The following DNAI2 variants were observed in gnomAD, a reference collection of about 807,000 sequenced individuals.
DNAI2 encodes the protein dynein, axonemal, intermediate polypeptide 2.
A neutral mutation model predicts 74.7 loss-of-function variants in DNAI2; 63 were observed. The ratio of observed to expected loss-of-function variants is 0.84; its 90% CI spans 0.69 to 1.04. The LOEUF is 1.04. Ranked by LOEUF, DNAI2 falls within the 50% of genes least tolerant of loss-of-function variation. The pLI is 0.00. For missense variants in DNAI2, 688 were observed against 803.2 expected, an observed-to-expected ratio of 0.86 and a Z score of 1.73; for synonymous variants, 289 against 314.9, an observed-to-expected ratio of 0.92 and a Z score of 0.87.
At chr17:74,280,819 G>A (rs2051345427) in intron 1 of DNAI2, among the ~76,000 whole-genome samples, 1 of 152,082 alleles carries the variant, frequency 6.6e-6, no homozygotes. Flanking sequence ...ACGTGCGATG[G>A]CTCATACCTG....
At position 74,314,244 on chromosome 17, in the gene DNAI2, C is replaced by T. The variant is rs776787499; in HGVS notation, c.*28C>T. The T allele has an allele frequency of 1.9e-6, 3 of 1,613,344 alleles. No homozygotes were observed. On this transcript the variant is annotated 3_prime_UTR_variant, in exon 13 of 14. Coordinates refer to ENST00000311014, the MANE Select transcript of DNAI2 (RefSeq NM_023036.6). ...GTCAGCCTTCGACTGCGGCGCTATC[C>T]CTGTGTGCCTTCCTTTCCCACCTCT...
chr17:74,314,525 A>G, intron 13 of DNAI2, 64 bp from the exon 14 acceptor site: 1 of 380,400 alleles, frequency 2.6e-6, no homozygotes, highest in Non-Finnish European at 5.1e-6. Context: ...CTAGTCCTGG[A>G]TGTCTCCTGG....
At position 74,285,155 on chromosome 17, in the gene DNAI2, T is replaced by C; in HGVS notation, c.299T>C (p.Val100Ala). ...CAGACCATCCGTTTCCGGAAGAAAGTGGAGAAAGATGAGAACTACGTTAAC... is the reference window on the plus strand; with the variant it reads ...CAGACCATCCGTTTCCGGAAGAAAGCGGAGAAAGATGAGAACTACGTTAAC... ...LEQTIRFRKKVEKDENYVNAI... is the reference protein window; with the variant it reads ...LEQTIRFRKKAEKDENYVNAI... Residue 100 changes from valine to alanine, a missense_variant, in exon 3 of 14, where the codon GTG becomes GCG. Physicochemically the swap from Val to Ala is moderately conservative, Grantham distance 64. Coordinates refer to ENST00000311014, the MANE Select transcript of DNAI2 (RefSeq NM_023036.6). 1 of 1,614,032 alleles carries C rather than the reference T, an allele frequency of 6.2e-7. No homozygotes were observed. Among genetic ancestry groups the C allele is most frequent in the Non-Finnish European group, 8.5e-7 (1 of 1,179,994 alleles).
rs935197493 is a variant in DNAI2, at chr17:74,281,804, C to G, written c.-11-3C>G. 4 of 1,613,374 alleles carry G rather than the reference C, an allele frequency of 2.5e-6. No homozygotes were observed. The highest frequency in any genetic ancestry group is 1.7e-5 in the Admixed American group (1 of 59,980). ...CACCCCACACCCTCCCTCTGCCCCC[C>G]AGCAGCCGGCACCATGGAGATTGTG... On this transcript the variant is annotated splice_region_variant and splice_polypyrimidine_tract_variant and intron_variant, in intron 1 of 13. Coordinates refer to ENST00000311014, the MANE Select transcript of DNAI2 (RefSeq NM_023036.6).
intron 3 of DNAI2, among the ~76,000 whole-genome samples, chr17:74,285,970 T>TATATAG (rs1292164464): frequency 1.1e-3 from 155 of 146,930 alleles, no homozygotes; most frequent in African/African-American, 2.5e-3. Context: ...TATATATATA[T>TATATAG]AGAGAGAGAG....
At chr17:74,291,785 G>A (rs2052118728) in intron 6 of DNAI2, among the ~76,000 whole-genome samples, 1 of 152,202 alleles carries the variant, frequency 6.6e-6, no homozygotes, top group Non-Finnish European at 1.5e-5. Context: ...AAACCTACAT[G>A]CTAACGGATA....
chr17:74,275,229 C>T (rs193070347), intron 1 of DNAI2, among the ~76,000 whole-genome samples: 1 of 152,304 alleles, frequency 6.6e-6, no homozygotes, highest in Non-Finnish European at 1.5e-5. Context: ...CAGGTAGTCA[C>T]TGACCCCCAT....
chr17:74,309,457 T>TG, intron 10 of DNAI2, 69 bp downstream of exon 10: 1 of 1,606,448 alleles, frequency 6.2e-7, no homozygotes. Flanking sequence ...GGTGTGAGTG[T>TG]GGGGTGCTGT....
In DNAI2 at chr17:74,276,262, C is replaced by T. The variant is rs990636659; in HGVS notation, c.-12+1917C>T. On this transcript the variant is annotated intron_variant, in intron 1 of 13. Transcript: ENST00000311014. ...CCATCTGACTGCCTCCCCGGGGATG[C>T]GGGAGACGCCTGAATCTTTGATGTC... Among the ~76,000 whole-genome samples the T allele has an allele frequency of 7.9e-5, 12 of 152,282 alleles. No homozygotes were observed. The Middle Eastern group carries it at 0.01, about 129-fold the overall frequency.
chr17:74,309,447 G>A (rs747773936), intron 10 of DNAI2, 59 bp downstream of exon 10: 1 of 1,611,572 alleles, frequency 6.2e-7, no homozygotes, highest in Non-Finnish European at 8.5e-7. Flanking sequence ...TCCCGGCGTG[G>A]GTGTGAGTGT....
At chr17:74,307,672 T>A (rs979697790) in intron 9 of DNAI2, among the ~76,000 whole-genome samples, 1 of 151,342 alleles carries the variant, frequency 6.6e-6, no homozygotes, top group Non-Finnish European at 1.5e-5. Context: ...CAAAAAAAAA[T>A]AATATTTGGC....
At chr17:74,289,788 G>C (rs370909237) in intron 5 of DNAI2, 52 bp downstream of exon 5, 1 of 1,611,368 alleles carries the variant, frequency 6.2e-7, no homozygotes, top group African/African-American at 1.3e-5. Context: ...GCTGGGACCA[G>C]CACAAGTGGA....
rs115446442 is a variant in DNAI2, at chr17:74,276,616, C to T, written c.-12+2271C>T. 8.8e-3 allele frequency among the ~76,000 whole-genome samples: 1,341 copies of T among 152,238 alleles called. 26 individuals carry two copies. The highest frequency in any genetic ancestry group is 0.03 in the African/African-American group (1,264 of 41,528). On this transcript the variant is annotated intron_variant, in intron 1 of 13. Coordinates refer to ENST00000311014, the MANE Select transcript of DNAI2 (RefSeq NM_023036.6). ...TGGGTCCTTGAATGGGTTGTCTTCC[C>T]GTCACCAGGCCAGTCTTTAAATGTC...
At chr17:74,280,814 C>G (rs555168095) in intron 1 of DNAI2, among the ~76,000 whole-genome samples, 1 of 152,028 alleles carries the variant, frequency 6.6e-6, no homozygotes, top group Admixed American at 6.6e-5. Context: ...GTACCACGTG[C>G]GATGGCTCAT....
intron 2 of DNAI2, among the ~76,000 whole-genome samples, chr17:74,282,676 A>C (rs145307826): frequency 6.6e-6 from 1 of 152,354 alleles, no homozygotes; most frequent in East Asian, 1.9e-4. Flanking sequence ...GAAGTGTCCC[A>C]CAGAAAGTTC....
rs1177965342 is a variant in DNAI2, at chr17:74,299,858, G to A, written c.864+1G>A. 3 of 1,613,288 alleles carry A rather than the reference G, an allele frequency of 1.9e-6. No individual in the cohort carries two copies. The highest frequency in any genetic ancestry group is 2.5e-6 in the Non-Finnish European group (3 of 1,180,002). ...CTTCTCAGCTTCCACGGATGGGCAG[G>A]TACCCACCAGCCAGACACTGGAGAG... is the stretch of plus-strand genomic sequence containing the variant. On this transcript the variant is annotated splice_donor_variant, in intron 7 of 13. Transcript: ENST00000311014. LOFTEE classifies it high-confidence loss of function.
At chr17:74,283,253 G>A (rs2051495490) in intron 2 of DNAI2, among the ~76,000 whole-genome samples, 1 of 152,164 alleles carries the variant, frequency 6.6e-6, no homozygotes, top group South Asian at 2.1e-4. Flanking sequence ...CTGCTGCAGT[G>A]TACGCTTTAA....
intron 9 of DNAI2, among the ~76,000 whole-genome samples, chr17:74,307,982 G>C (rs1257963016): frequency 6.6e-6 from 1 of 151,974 alleles, no homozygotes; most frequent in African/African-American, 2.4e-5. Context: ...ATTTTTAGTA[G>C]AGGCAGGGTT....
At chr17:74,314,381 C>T (rs1345746982) in intron 13 of DNAI2, 110 bp downstream of exon 13, 2 of 1,392,654 alleles carry the variant, frequency 1.4e-6, no homozygotes, top group Non-Finnish European at 2.0e-6. Flanking sequence ...AATCACTAGC[C>T]CCCACTGACT....
Sources: allele counts gnomAD v4.1 joint callset (sites outside exome capture counted in the v4.1 genomes callset), GRCh38; gene constraint gnomAD v4.1.1; transcripts MANE v1.5; gene names NCBI Gene and HGNC (gene_info 2026-07-23, HGNC 2026-07-21).